MAST2: variants seen among roughly 807,000 people sequenced by gnomAD.
MAST2 encodes the protein microtubule associated serine/threonine kinase 2.
MAST2 carries 70 observed loss-of-function variants against 147.4 expected under a neutral mutation model. The observed-to-expected ratio is 0.47, with a 90% CI of 0.39 to 0.58. The LOEUF (loss-of-function observed/expected upper bound fraction) is 0.58. Ranked by LOEUF, MAST2 falls within the 20% of genes least tolerant of loss-of-function variation. The pLI is 0.00. For synonymous variants in MAST2, 869 were observed against 896.8 expected (o/e 0.97, Z 0.55); for missense variants, 2,080 against 2,302.3 (o/e 0.90, Z 1.98).
chr1:45,919,169 A>C (rs1246447642), intron 4 of MAST2, among the ~76,000 whole-genome samples: 3 of 152,152 alleles, frequency 2.0e-5, no homozygotes, highest in Non-Finnish European at 4.4e-5. Flanking sequence ...GAAGGCCACT[A>C]GGTAAGAGAC....
chr1:45,997,751 A>G lies in MAST2; in HGVS notation c.620A>G (p.Asn207Ser), dbSNP rs1645114563. 1 of 1,614,082 alleles carries G rather than the reference A, an allele frequency of 6.2e-7. No homozygotes were observed. The highest frequency in any genetic ancestry group is 8.5e-7 in the Non-Finnish European group (1 of 1,179,960). ...TGNSPLDSPRNFSPNAPAHFS... is the reference protein window; with the variant it reads ...TGNSPLDSPRSFSPNAPAHFS... ...AACAGTCCTTTGGACAGCCCCCGGA[A>G]TTTCTCTCCAAATGCACCTGCTCAC... Residue 207 changes from asparagine to serine, a missense_variant, in exon 6 of 29, where the codon AAT becomes AGT. Asn to Ser is a conservative substitution (Grantham distance 46, BLOSUM62 1). Transcript: ENST00000361297.
intron 5 of MAST2, among the ~76,000 whole-genome samples, chr1:45,961,483 T>C (rs1375774918): frequency 6.6e-6 from 1 of 152,244 alleles, no homozygotes; most frequent in African/African-American, 2.4e-5. Context: ...GAACTAAATC[T>C]TCCTACTCAA....
intron 10 of MAST2, among the ~76,000 whole-genome samples, chr1:46,017,482 AC>A (rs1213939530): frequency 1.3e-5 from 2 of 152,232 alleles, no homozygotes; most frequent in Non-Finnish European, 2.9e-5. Context: ...CAAGAAAAAA[AC>A]AACCCCATCA....
In MAST2 at chr1:46,035,609, G is replaced by C. The variant is rs1218508265; in HGVS notation, c.4940G>C (p.Ser1647Thr). Residue 1647 changes from serine (S) to threonine (T), a missense_variant, in exon 29 of 29, where the codon AGC (serine) becomes ACC (threonine). Ser to Thr is a moderately conservative substitution (Grantham distance 58). Transcript: ENST00000361297. This position sits in a 1 kb window ranked among gnomAD's most constrained non-coding sequence, Gnocchi z 5.5. ...LTPTSSCSPP[S>T]STSGKLSMWS... ...CCCACCAGCAGTTGCTCTCCTCCCA[G>C]CTCCACCTCTGGGAAGCTGAGCATG... is the stretch of plus-strand genomic sequence containing the variant. 3.7e-6 allele frequency: 6 copies of C among 1,613,742 alleles called. No homozygotes were observed. Among genetic ancestry groups the C allele is most frequent in the African/African-American group, 2.7e-5 (2 of 74,878 alleles).
intron 4 of MAST2, among the ~76,000 whole-genome samples, chr1:45,923,907 T>C (rs1178716773): frequency 6.6e-6 from 1 of 152,212 alleles, no homozygotes; most frequent in Non-Finnish European, 1.5e-5. Context: ...GTTCTCACTC[T>C]GTCACCTAGG....
intron 5 of MAST2, among the ~76,000 whole-genome samples, chr1:45,994,043 T>C (rs1398015909): frequency 6.6e-6 from 1 of 152,132 alleles, no homozygotes; most frequent in Non-Finnish European, 1.5e-5. Context: ...CTTCTCCCTG[T>C]GAAGTCAGGA....
intron 4 of MAST2, among the ~76,000 whole-genome samples, chr1:45,920,463 TC>T (rs1192189352): frequency 1.3e-5 from 2 of 152,350 alleles, no homozygotes; most frequent in East Asian, 3.9e-4. Context: ...CGGTCCAGTG[TC>T]TGCAAACTAT....
At chr1:46,019,816 T>G in intron 11 of MAST2, 119 bp downstream of exon 11, 1 of 839,408 alleles carries the variant, frequency 1.2e-6, no homozygotes, top group Non-Finnish European at 1.9e-6. Context: ...TAGGTCCTTA[T>G]TTAAATATGA....
chr1:45,986,102 T>C (rs958342436), intron 5 of MAST2, among the ~76,000 whole-genome samples: 1 of 152,222 alleles, frequency 6.6e-6, no homozygotes, highest in African/African-American at 2.4e-5. Flanking sequence ...GTAGATATTC[T>C]TGCCTTGTTC....
chr1:46,027,924 T>A, intron 17 of MAST2, 61 bp downstream of exon 17: 1 of 1,590,424 alleles, frequency 6.3e-7, no homozygotes, highest in East Asian at 2.2e-5. Context: ...TGGCGCAGTG[T>A]CTTACGCCCG....
intron 4 of MAST2, among the ~76,000 whole-genome samples, chr1:45,941,769 T>C (rs1037901825): frequency 3.3e-5 from 5 of 152,238 alleles, no homozygotes; most frequent in African/African-American, 1.2e-4. Flanking sequence ...ATACTTGCCT[T>C]GTTCCTCCTC....
chr1:45,843,080 A>G (rs1645325522), intron 3 of MAST2, among the ~76,000 whole-genome samples: 1 of 151,946 alleles, frequency 6.6e-6, no homozygotes. Flanking sequence ...TTGACCATTT[A>G]TATATCTTCT....
At chr1:45,942,146 CT>C (rs35794621) in intron 4 of MAST2, among the ~76,000 whole-genome samples, 50,475 of 143,330 alleles carry the variant, frequency 0.35, 8,654 homozygotes, top group African/African-American at 0.44. Flanking sequence ...TAGTGGGTTT[CT>C]TTTTTTTTTT....
intron 4 of MAST2, among the ~76,000 whole-genome samples, chr1:45,933,477 C>T (rs1217338351): frequency 2.0e-5 from 3 of 151,570 alleles, no homozygotes; most frequent in Non-Finnish European, 4.4e-5. Context: ...CGGTGGCTCA[C>T]GCCTTTAATC....
rs759267424 is a variant in MAST2 at position 46,035,450 on chromosome 1, GCTC to G, written c.4788_4790del (p.Ser1597del). The G allele has an allele frequency of 1.4e-5, 22 of 1,613,150 alleles. No homozygotes were observed. The Admixed American group carries it at 2.0e-4, about 15-fold the overall frequency. ...CCACAAGCCATTGAGGAGGCTGCCA[GCTC>G]CTCCTCAGCAGGCCCCAACCTAGGT... On this transcript the variant is annotated inframe_deletion, in exon 29 of 29. Transcript: ENST00000361297. This position sits in a 1 kb window ranked among gnomAD's most constrained non-coding sequence, Gnocchi z 5.5.
intron 4 of MAST2, chr1:45,917,518 G>A (rs767899227): frequency 2.2e-5 from 30 of 1,366,340 alleles, no homozygotes; most frequent in South Asian, 1.6e-4. Flanking sequence ...TGTTCCAGCC[G>A]CCCACTGCCG....
At chr1:45,920,145 G>C (rs1047377309) in intron 4 of MAST2, among the ~76,000 whole-genome samples, 1 of 152,144 alleles carries the variant, frequency 6.6e-6, no homozygotes, top group Admixed American at 6.5e-5. Context: ...ATGGGAGCAT[G>C]AACGATTCTG....
chr1:45,999,116 C>A (rs1184106361), intron 6 of MAST2, among the ~76,000 whole-genome samples: 1 of 152,162 alleles, frequency 6.6e-6, no homozygotes, highest in Non-Finnish European at 1.5e-5. Context: ...CCAATGATAA[C>A]CCAAAATAAA....
At chr1:45,878,528 T>A (rs1294063134) in intron 3 of MAST2, among the ~76,000 whole-genome samples, 2 of 152,124 alleles carry the variant, frequency 1.3e-5, no homozygotes, top group Non-Finnish European at 2.9e-5. Flanking sequence ...TCATTTAACA[T>A]CTTATAGAAA....
Sources: gnomAD v4.1 joint callset for allele counts (sites outside exome capture counted in the v4.1 genomes callset) on GRCh38, gnomAD v4.1.1 for gene constraint, Gnocchi (gnomAD v3.1) non-coding constraint, MANE v1.5 for transcripts, NCBI Gene and HGNC (gene_info 2026-07-23, HGNC 2026-07-21) for gene names.